LSAMP: variants seen among roughly 807,000 people sequenced by gnomAD.
LSAMP encodes the protein limbic system-associated membrane protein.
LSAMP carries 7 observed loss-of-function variants against 38.6 expected under a neutral mutation model. The observed-to-expected ratio is 0.18, with a 90% confidence interval of 0.10 to 0.34. The LOEUF (loss-of-function observed/expected upper bound fraction) is 0.34. Among genes scored for constraint, LSAMP ranks in the 10% least tolerant of loss-of-function variants. The probability of loss-of-function intolerance (pLI) is 1.00; values close to 1 mark genes in which losing one functional copy is unlikely to be tolerated. For missense variants in LSAMP, 313 were observed against 420.0 expected, an observed-to-expected ratio of 0.75 and a Z score of 2.23; for synonymous variants, 154 against 166.8, an observed-to-expected ratio of 0.92 and a Z score of 0.59.
At chr3:116,192,186 A>G (rs1710769134) in intron 1 of LSAMP, among the ~76,000 whole-genome samples, 1 of 152,248 alleles carries the variant, frequency 6.6e-6, no homozygotes, top group Admixed American at 6.5e-5. Flanking sequence ...TAATACAACA[A>G]TTCATGAGCC....
chr3:115,951,922 A>G (rs1184675237), intron 3 of LSAMP, among the ~76,000 whole-genome samples: 3 of 152,094 alleles, frequency 2.0e-5, no homozygotes, highest in Non-Finnish European at 4.4e-5. Context: ...TGAATAGACA[A>G]TTCTCAAAAG....
At position 116,358,114 on chromosome 3, in the gene LSAMP, G is replaced by A. The variant is rs190300107; in HGVS notation, c.155+86763C>T. Among the ~76,000 whole-genome samples the A allele has an allele frequency of 7.2e-5, 11 of 152,154 alleles. No individual in the cohort carries two copies. In the East Asian group the frequency reaches 2.1e-3, roughly 29 times the overall value. On this transcript the variant is annotated intron_variant, in intron 1 of 6. Transcript: ENST00000490035. The stretch of plus-strand genomic sequence containing the variant: ...CTGGGAAAGTATGTTTAGTCTAACC[G>A]CCTTAATCTAGATAGAGAATGCTTC...
chr3:116,173,262 T>A (rs1157671808), intron 1 of LSAMP, among the ~76,000 whole-genome samples: 3 of 152,016 alleles, frequency 2.0e-5, no homozygotes, highest in African/African-American at 7.2e-5. Flanking sequence ...AGCATGGGCC[T>A]CTTGTAACAA....
chr3:116,070,955 G>T (rs894918212), intron 2 of LSAMP, among the ~76,000 whole-genome samples: 7 of 151,470 alleles, frequency 4.6e-5, no homozygotes, highest in Admixed American at 1.3e-4. Flanking sequence ...CAGGAGAATC[G>T]CTTGAACCCT....
intron 1 of LSAMP, among the ~76,000 whole-genome samples, chr3:116,391,300 C>A (rs922066336): frequency 1.4e-4 from 21 of 151,910 alleles, no homozygotes; most frequent in Non-Finnish European, 2.9e-5. Flanking sequence ...GCCCCGCCCC[C>A]CCCGTGCCCC....
At chr3:116,190,596 G>T (rs766339452) in intron 1 of LSAMP, among the ~76,000 whole-genome samples, 1 of 152,154 alleles carries the variant, frequency 6.6e-6, no homozygotes, top group Non-Finnish European at 1.5e-5. Context: ...AAACCAGTGG[G>T]ATACAGTAAA....
intron 3 of LSAMP, among the ~76,000 whole-genome samples, chr3:115,959,529 T>C (rs1047979028): frequency 7.2e-5 from 11 of 152,376 alleles, no homozygotes; most frequent in African/African-American, 2.4e-4. Context: ...AAATGGTTGC[T>C]TTTATACAAT....
At chr3:116,201,050 C>A (rs2045981405) in intron 1 of LSAMP, among the ~76,000 whole-genome samples, 1 of 152,172 alleles carries the variant, frequency 6.6e-6, no homozygotes, top group Admixed American at 6.5e-5. Flanking sequence ...CTTAGCCAAC[C>A]CTGTGCAGTT....
chr3:116,425,275 A>G (rs1422488784), intron 1 of LSAMP, among the ~76,000 whole-genome samples: 2 of 152,224 alleles, frequency 1.3e-5, no homozygotes, highest in Non-Finnish European at 2.9e-5. Flanking sequence ...TGACAAGGGA[A>G]AAATAGATCC....
intron 1 of LSAMP, among the ~76,000 whole-genome samples, chr3:116,192,081 AG>A (rs1240435618): frequency 6.6e-6 from 1 of 152,242 alleles, no homozygotes. Context: ...ATTCTATTAC[AG>A]CAATGTATTA....
At chr3:116,066,230 T>TA (rs1707425412) in intron 2 of LSAMP, among the ~76,000 whole-genome samples, 1 of 152,218 alleles carries the variant, frequency 6.6e-6, no homozygotes, top group African/African-American at 2.4e-5. Context: ...ACAGAGGCAC[T>TA]AATCCCATAA....
chr3:116,378,563 G>T (rs2048519907), intron 1 of LSAMP, among the ~76,000 whole-genome samples: 1 of 152,050 alleles, frequency 6.6e-6, no homozygotes, highest in African/African-American at 2.4e-5. Flanking sequence ...ATCTTTACAA[G>T]AAATTAATTA....
chr3:116,127,508 A>G (rs1709033163), intron 1 of LSAMP, among the ~76,000 whole-genome samples: 1 of 152,188 alleles, frequency 6.6e-6, no homozygotes, highest in Non-Finnish European at 1.5e-5. Flanking sequence ...AAATAATACT[A>G]TCAAAGTACA....
chr3:116,221,987 T>C (rs1049548696), intron 1 of LSAMP, among the ~76,000 whole-genome samples: 1 of 149,766 alleles, frequency 6.7e-6, no homozygotes, highest in Non-Finnish European at 1.5e-5. Flanking sequence ...AAGCATCTCT[T>C]ATGAGCTGGT....
rs1485842736 is a variant in LSAMP at position 115,981,769 on chromosome 3, C to A, written c.514+37746G>T. Among the ~76,000 whole-genome samples, 4 of 152,298 alleles carry A rather than the reference C, an allele frequency of 2.6e-5. No homozygotes were observed. The East Asian group carries it at 7.7e-4, about 29-fold the overall frequency. The stretch of plus-strand genomic sequence containing the variant: ...TTTAACAACAACAACAAAAAACAAC[C>A]AAATCCGCACATCGGAATTCTAATC... On this transcript the variant is annotated intron_variant, in intron 3 of 6. Transcript: ENST00000490035.
At chr3:116,200,413 CCTAT>C (rs1236576144) in intron 1 of LSAMP, among the ~76,000 whole-genome samples, 7 of 152,164 alleles carry the variant, frequency 4.6e-5, no homozygotes, top group South Asian at 4.1e-4. Context: ...TCTGATACAT[CCTAT>C]CTGTTTTCCT....
intron 6 of LSAMP, among the ~76,000 whole-genome samples, chr3:115,829,759 TA>T (rs1481690468): frequency 1.3e-5 from 2 of 152,182 alleles, no homozygotes; most frequent in African/African-American, 4.8e-5. Context: ...TAATGAAAAA[TA>T]TTTTTTATTT....
chr3:115,859,368 A>T (rs1935604118), intron 3 of LSAMP, among the ~76,000 whole-genome samples: 1 of 152,220 alleles, frequency 6.6e-6, no homozygotes. Context: ...CAAAAACAAA[A>T]ACAAAAACGG....
At chr3:115,913,376 A>G (rs1340317581) in intron 3 of LSAMP, among the ~76,000 whole-genome samples, 1 of 152,190 alleles carries the variant, frequency 6.6e-6, no homozygotes, top group East Asian at 1.9e-4. Flanking sequence ...TCTCCAGCTC[A>G]CCTGGCTGCA....
Sources: gnomAD v4.1 joint callset for allele counts (sites outside exome capture counted in the v4.1 genomes callset) on GRCh38, gnomAD v4.1.1 for gene constraint, MANE v1.5 for transcripts, NCBI Gene and HGNC (gene_info 2026-07-23, HGNC 2026-07-21) for gene names.